Variants in CLEC17A observed in about 807,000 individuals in gnomAD.
The protein encoded by CLEC17A is C-type lectin domain family 17, member A.
Under a neutral mutation model 61.3 loss-of-function variants are expected in CLEC17A, and 37 were observed. That is an observed-to-expected ratio of 0.60 (90% confidence interval 0.46 to 0.79). The LOEUF (loss-of-function observed/expected upper bound fraction) is 0.79. Ranked by LOEUF, CLEC17A falls within the 30% of genes least tolerant of loss-of-function variation. CLEC17A has a pLI of 0.00. For synonymous variants in CLEC17A, 168 were observed against 164.9 expected (o/e 1.02, Z -0.14); for missense variants, 418 against 464.7 (o/e 0.90, Z 0.92).
At chr19:14,592,504 G>C (rs996915587) in intron 4 of CLEC17A, 146 bp downstream of exon 4, 20 of 1,481,808 alleles carry the variant, frequency 1.3e-5, no homozygotes, top group African/African-American at 2.8e-5. Context: ...CTGCCCAGGA[G>C]GACCTGTCAG....
At chr19:14,607,287 C>T (rs2074906664) in intron 13 of CLEC17A, among the ~76,000 whole-genome samples, 185 bp downstream of exon 13, 1 of 151,720 alleles carries the variant, frequency 6.6e-6, no homozygotes, top group African/African-American at 2.4e-5. Flanking sequence ...TCACTGCAAG[C>T]TCCGCCTCCC....
intron 9 of CLEC17A, 27 bp from the exon 10 acceptor site, chr19:14,597,072 G>T: frequency 1.2e-6 from 2 of 1,612,328 alleles, no homozygotes; most frequent in Middle Eastern, 1.6e-4. Flanking sequence ...AGGAGGACCT[G>T]GGCTCAATTT....
At chr19:14,584,789 T>A (rs980792235) in intron 2 of CLEC17A, among the ~76,000 whole-genome samples, 1 of 151,718 alleles carries the variant, frequency 6.6e-6, no homozygotes, top group African/African-American at 2.4e-5. Flanking sequence ...CACAGTCCTG[T>A]CCCCACATCC....
intron 13 of CLEC17A, 100 bp from the exon 14 acceptor site, chr19:14,609,964 C>A: frequency 1.1e-6 from 1 of 884,896 alleles, no homozygotes; most frequent in South Asian, 1.6e-5. Context: ...TGGGTTTTGC[C>A]AAATGCGTAG....
rs1365916695 is a variant in CLEC17A, at chr19:14,594,558, G to A, written c.310+9G>A. ...AAGACCTCCAAGGGCAGGTGAGTTG[G>A]GGCTGGGGGTGTAGGAGACCCAGAG... On this transcript the variant is annotated intron_variant, in intron 5 of 13. Transcript: ENST00000417570. The A allele has an allele frequency of 1.9e-6, 3 of 1,610,982 alleles. No homozygotes were observed. Among genetic ancestry groups the A allele is most frequent in the South Asian group, 1.1e-5 (1 of 90,584 alleles).
upstream of CLEC17A, among the ~76,000 whole-genome samples, chr19:14,582,608 T>A (rs2146652577): frequency 6.6e-6 from 1 of 151,334 alleles, no homozygotes; most frequent in East Asian, 2.0e-4. Context: ...TTTTAAAAAA[T>A]TAATTTATTT....
rs1189367093 is a variant in CLEC17A, at chr19:14,611,463, T to C, written c.*1267T>C. Reference sequence around the variant, plus strand: ...CACAATCATAGCTTACTGCACCCTCTGCCTCCTGGGCTCGAGTGATCCTCC... The same window carrying C: ...CACAATCATAGCTTACTGCACCCTCCGCCTCCTGGGCTCGAGTGATCCTCC... On this transcript the variant is annotated 3_prime_UTR_variant, in exon 14 of 14. Transcript: ENST00000417570. 1.4e-5 allele frequency among the ~76,000 whole-genome samples: 2 copies of C among 147,324 alleles called. No individual in the cohort carries two copies. Among genetic ancestry groups the C allele is most frequent in the African/African-American group, 5.0e-5 (2 of 39,852 alleles).
chr19:14,584,126 A>T (rs2074232356), intron 2 of CLEC17A: 1 of 151,438 alleles, frequency 6.6e-6, no homozygotes, highest in South Asian at 2.1e-4. Flanking sequence ...CTGTAGTCCC[A>T]GCTACTTGGG....
intron 12 of CLEC17A, among the ~76,000 whole-genome samples, chr19:14,605,403 C>T (rs1048865292): frequency 6.6e-6 from 1 of 152,036 alleles, no homozygotes; most frequent in African/African-American, 2.4e-5. Context: ...GCCACCTCCC[C>T]ACATTTTAAG....
At chr19:14,602,009 G>A (rs2074732034) in intron 12 of CLEC17A, among the ~76,000 whole-genome samples, 1 of 151,934 alleles carries the variant, frequency 6.6e-6, no homozygotes, top group African/African-American at 2.4e-5. Flanking sequence ...AGCCAGGATG[G>A]TCTCGATCTC....
intron 2 of CLEC17A, among the ~76,000 whole-genome samples, chr19:14,586,012 G>A (rs2074270514): frequency 1.3e-5 from 2 of 151,998 alleles, no homozygotes; most frequent in Non-Finnish European, 2.9e-5. Context: ...ACTTCCTGAT[G>A]ACCTCTCTAC....
Position 14,590,593 on chromosome 19 carries a change from C to G in CLEC17A, c.200-1688C>G, listed in dbSNP as rs71334719. Among the ~76,000 whole-genome samples, 364 of 152,174 alleles carry G rather than the reference C, an allele frequency of 2.4e-3. 3 individuals are homozygous for G. Among genetic ancestry groups the G allele is most frequent in the Non-Finnish European group, 3.6e-3 (244 of 68,002 alleles). On this transcript the variant is annotated intron_variant, in intron 3 of 13. Transcript: ENST00000417570. ...GAAAAGATGGGGTTCCTCCATGTTG[C>G]TCAGGCTGGTCTCGAACTCCCGACC... is the stretch of plus-strand genomic sequence containing the variant.
chr19:14,590,224 C>A (rs1439400726), intron 3 of CLEC17A, among the ~76,000 whole-genome samples: 1 of 151,272 alleles, frequency 6.6e-6, no homozygotes, highest in Admixed American at 6.6e-5. Context: ...AACACCTATC[C>A]CCTTAACATC....
Position 14,594,547 on chromosome 19 carries a change from C to T in CLEC17A, c.308C>T (p.Ala103Val). The change falls in exon 5 of 14, where the codon GCA (alanine) becomes GTA (valine). Residue 103 changes from alanine (A) to valine (V), a missense_variant and splice_region_variant. Physicochemically the swap from Ala to Val is moderately conservative, Grantham distance 64. Coordinates refer to ENST00000417570, the MANE Select transcript of CLEC17A (RefSeq NM_001204118.2). ...GSSAPPRPPRAAKETEKPPLP... is the reference protein window; with the variant it reads ...GSSAPPRPPRVAKETEKPPLP... Reference sequence around the variant, plus strand: ...AGTGCTCCACCAAGACCTCCAAGGGCAGGTGAGTTGGGGCTGGGGGTGTAG... The same window carrying T: ...AGTGCTCCACCAAGACCTCCAAGGGTAGGTGAGTTGGGGCTGGGGGTGTAG... 6.2e-7 allele frequency: 1 copy of T among 1,608,354 alleles called. No homozygotes were observed. Among genetic ancestry groups the T allele is most frequent in the Non-Finnish European group, 8.5e-7 (1 of 1,177,564 alleles).
chr19:14,610,963 A>ATATTTT lies in CLEC17A; in HGVS notation c.*782_*787dup, dbSNP rs377376341. The ATATTTT allele has an allele frequency of 6.0e-4, 90 of 151,004 alleles. 1 individual carries two copies. The highest frequency in any genetic ancestry group is 2.1e-3 in the African/African-American group (88 of 41,082). 9.4% of individuals were successfully genotyped at this position (151,004 alleles called of 1,614,324 possible). A position where few individuals can be genotyped will look rare whatever the true frequency, so the allele number is the denominator to read the frequency against. ...AGGCATGTGTCACCGTACCTGGCCG[A>ATATTTT]TATTTTTATTTTTATTTTTACTTTC... On this transcript the variant is annotated 3_prime_UTR_variant, in exon 14 of 14. Transcript: ENST00000417570.
chr19:14,599,651 C>A, intron 10 of CLEC17A, 66 bp from the exon 11 acceptor site: 1 of 1,095,378 alleles, frequency 9.1e-7, no homozygotes, highest in Non-Finnish European at 1.4e-6. Flanking sequence ...GATGTGTCTG[C>A]AGTCCGTGGT....
chr19:14,599,643 T>A (rs760702824), intron 10 of CLEC17A, 74 bp from the exon 11 acceptor site: 10 of 1,026,838 alleles, frequency 9.7e-6, no homozygotes, highest in South Asian at 7.9e-5. Flanking sequence ...CTCTCTCTGA[T>A]GTGTCTGCAG....
In CLEC17A at chr19:14,583,207, A is replaced by G. The variant is rs921237176; in HGVS notation, c.43+4A>G. 1.2e-6 allele frequency: 2 copies of G among 1,613,912 alleles called. No homozygotes were observed. The highest frequency in any genetic ancestry group is 4.5e-5 in the East Asian group (2 of 44,878). On this transcript the variant is annotated splice_donor_region_variant and intron_variant, in intron 1 of 13. Coordinates refer to ENST00000417570, the MANE Select transcript of CLEC17A (RefSeq NM_001204118.2). Reference sequence around the variant, plus strand: ...ACTGGGTACCCGGACCCACCAGGTAAGGCCCCGGCCAGGCTGGGGCTGGGG... The same window carrying G: ...ACTGGGTACCCGGACCCACCAGGTAGGGCCCCGGCCAGGCTGGGGCTGGGG...
intron 12 of CLEC17A, among the ~76,000 whole-genome samples, chr19:14,602,049 C>T (rs1381131024): frequency 4.6e-5 from 7 of 152,132 alleles, no homozygotes; most frequent in African/African-American, 1.7e-4. Flanking sequence ...GCCTCGGCCT[C>T]CCAAAGTGCT....
Sources: allele counts gnomAD v4.1 joint callset (sites outside exome capture counted in the v4.1 genomes callset), GRCh38; gene constraint gnomAD v4.1.1; transcripts MANE v1.5; gene names NCBI Gene and HGNC (gene_info 2026-07-23, HGNC 2026-07-21).